The following RABGAP1L variants were observed in gnomAD, a reference collection of about 807,000 sequenced individuals.
RABGAP1L encodes the protein rab GTPase-activating protein 1-like.
A neutral mutation model predicts 137.7 loss-of-function variants in RABGAP1L; 63 were observed. The ratio of observed to expected loss-of-function variants is 0.46; its 90% CI spans 0.37 to 0.56. The LOEUF (loss-of-function observed/expected upper bound fraction) is 0.56. Ranked by LOEUF, RABGAP1L falls within the 20% of genes least tolerant of loss-of-function variation. RABGAP1L has a pLI of 0.00. For synonymous variants in RABGAP1L, 431 were observed against 433.7 expected (o/e 0.99, Z 0.08); for missense variants, 1,095 against 1,244.0 (o/e 0.88, Z 1.80).
chr1:174,512,849 A>G (rs1662479515), intron 13 of RABGAP1L, among the ~76,000 whole-genome samples: 1 of 152,342 alleles, frequency 6.6e-6, no homozygotes, highest in Non-Finnish European at 1.5e-5. Context: ...TCAGAGAAGA[A>G]TAATTATTTA....
At chr1:174,350,563 T>C (rs1683061489) in intron 11 of RABGAP1L, among the ~76,000 whole-genome samples, 1 of 123,606 alleles carries the variant, frequency 8.1e-6, no homozygotes, top group South Asian at 3.2e-4. Flanking sequence ...CCTCACTTCC[T>C]AGATGGGATG....
intron 13 of RABGAP1L, among the ~76,000 whole-genome samples, chr1:174,612,667 C>T (rs1671376081): frequency 6.6e-6 from 1 of 152,150 alleles, no homozygotes; most frequent in Non-Finnish European, 1.5e-5. Context: ...TAGAATTCGG[C>T]TGTGAATCCA....
intron 18 of RABGAP1L, among the ~76,000 whole-genome samples, chr1:174,793,016 C>T (rs1035113695): frequency 1.3e-5 from 2 of 152,032 alleles, no homozygotes; most frequent in Non-Finnish European, 2.9e-5. Flanking sequence ...CCTGTAATCC[C>T]GGCTACTTGG....
intron 13 of RABGAP1L, among the ~76,000 whole-genome samples, chr1:174,463,169 C>T (rs1321721023): frequency 3.3e-5 from 5 of 152,050 alleles, no homozygotes; most frequent in South Asian, 2.1e-4. Flanking sequence ...TGGGTATATA[C>T]CCAAAGGACT....
At chr1:174,568,001 C>T (rs1450348362) in intron 13 of RABGAP1L, among the ~76,000 whole-genome samples, 2 of 152,064 alleles carry the variant, frequency 1.3e-5, no homozygotes, top group Non-Finnish European at 2.9e-5. Context: ...TAAAGGAATA[C>T]CTGAAACTGG....
At chr1:174,764,768 A>C (rs1685529935) in intron 18 of RABGAP1L, among the ~76,000 whole-genome samples, 1 of 152,156 alleles carries the variant, frequency 6.6e-6, no homozygotes, top group African/African-American at 2.4e-5. Context: ...CACTATACCC[A>C]GTGGCATTGT....
intron 13 of RABGAP1L, chr1:174,545,041 A>T (rs554291803): frequency 1.3e-5 from 2 of 151,804 alleles, no homozygotes; most frequent in East Asian, 1.9e-4. Context: ...CAATTAGACT[A>T]CTCAGGTGTC....
intron 1 of RABGAP1L, among the ~76,000 whole-genome samples, chr1:174,195,510 G>C (rs11588123): frequency 0.061 from 9,324 of 152,072 alleles, 416 homozygotes; most frequent in Non-Finnish European, 0.096. Context: ...AGACTGAGGA[G>C]CCAGATTGTT....
intron 13 of RABGAP1L, among the ~76,000 whole-genome samples, chr1:174,441,570 A>C (rs1654153028): frequency 6.6e-6 from 1 of 152,106 alleles, no homozygotes; most frequent in Non-Finnish European, 1.5e-5. Context: ...CCCTGTCTCT[A>C]CTAAAAATAC....
At chr1:174,286,615 T>C (rs991539803) in intron 10 of RABGAP1L, among the ~76,000 whole-genome samples, 7 of 152,122 alleles carry the variant, frequency 4.6e-5, no homozygotes, top group Non-Finnish European at 7.4e-5. Context: ...CCAGTTTTTT[T>C]TCCCCTAGTT....
intron 13 of RABGAP1L, among the ~76,000 whole-genome samples, chr1:174,460,829 CAGAT>C (rs959693207): frequency 3.9e-5 from 6 of 151,918 alleles, no homozygotes; most frequent in East Asian, 1.9e-4. Context: ...TACACTAAAA[CAGAT>C]AGATAGATAG....
At chr1:174,942,384 G>C (rs1666040564) in intron 19 of RABGAP1L, among the ~76,000 whole-genome samples, 5 of 152,228 alleles carry the variant, frequency 3.3e-5, no homozygotes, top group Middle Eastern at 3.4e-3. Context: ...AGTACACCAG[G>C]AGAAAAGTAA....
chr1:174,429,792 A>T (rs1652394505), intron 13 of RABGAP1L, among the ~76,000 whole-genome samples: 1 of 151,968 alleles, frequency 6.6e-6, no homozygotes, highest in Admixed American at 6.6e-5. Flanking sequence ...TTTAGGGGGA[A>T]ACAAAGGAGA....
chr1:174,199,398 TCTC>T (rs1667943008), intron 1 of RABGAP1L, among the ~76,000 whole-genome samples: 1 of 152,074 alleles, frequency 6.6e-6, no homozygotes, highest in Non-Finnish European at 1.5e-5. Context: ...TTCAAGCAAT[TCTC>T]CTGCCTGAGC....
intron 19 of RABGAP1L, among the ~76,000 whole-genome samples, chr1:174,867,238 G>A (rs1035469966): frequency 2.0e-5 from 3 of 151,930 alleles, no homozygotes; most frequent in Non-Finnish European, 2.9e-5. Context: ...AAAATTAGCC[G>A]GGTGTGGTGG....
At chr1:174,214,870 C>T (rs973080770) in intron 1 of RABGAP1L, among the ~76,000 whole-genome samples, 6 of 152,050 alleles carry the variant, frequency 3.9e-5, no homozygotes, top group Non-Finnish European at 7.4e-5. Context: ...TATAAGACCT[C>T]AAACTATGAA....
At chr1:174,916,356 T>A (rs1660876166) in intron 19 of RABGAP1L, among the ~76,000 whole-genome samples, 1 of 152,192 alleles carries the variant, frequency 6.6e-6, no homozygotes, top group African/African-American at 2.4e-5. Flanking sequence ...ACATGCAATC[T>A]TGTCAATGAT....
At chr1:174,421,406 C>A (rs190366734) in intron 13 of RABGAP1L, among the ~76,000 whole-genome samples, 23 of 152,222 alleles carry the variant, frequency 1.5e-4, no homozygotes, top group African/African-American at 5.5e-4. Context: ...AGCTGAAGAA[C>A]CCTTTTTAAA....
At chr1:174,338,584 G>T in intron 11 of RABGAP1L, among the ~76,000 whole-genome samples, 1 of 151,002 alleles carries the variant, frequency 6.6e-6, no homozygotes, top group Non-Finnish European at 1.5e-5. Context: ...TTGGTGGATT[G>T]AAATTTGATT....
Sources: allele counts gnomAD v4.1 joint callset (sites outside exome capture counted in the v4.1 genomes callset), GRCh38; gene constraint gnomAD v4.1.1; transcripts MANE v1.5; gene names NCBI Gene and HGNC (gene_info 2026-07-23, HGNC 2026-07-21).